AGAP1: variants seen among roughly 807,000 people sequenced by gnomAD.
AGAP1 encodes the protein arf-GAP with GTPase, ANK repeat and PH domain-containing protein 1.
In AGAP1, 29 loss-of-function variants were observed where a neutral mutation model predicts 105.3. The ratio of observed to expected loss-of-function variants is 0.28; its 90% CI spans 0.21 to 0.38. The LOEUF (loss-of-function observed/expected upper bound fraction) is 0.38. AGAP1 is among the 10% of genes least tolerant of loss of function. AGAP1 has a pLI of 1.00. For missense variants in AGAP1, 998 were observed against 1,165.1 expected (o/e 0.86, Z 2.09); for synonymous variants, 509 against 485.9 (o/e 1.05, Z -0.63).
intron 12 of AGAP1, among the ~76,000 whole-genome samples, chr2:235,932,357 G>C (rs1460338756): frequency 6.6e-6 from 1 of 152,246 alleles, no homozygotes; most frequent in Non-Finnish European, 1.5e-5. Flanking sequence ...GGCTCTTCGT[G>C]ACTGAAGAAC....
intron 8 of AGAP1, among the ~76,000 whole-genome samples, chr2:235,802,780 G>A (rs1559505466): frequency 1.4e-5 from 2 of 144,686 alleles, no homozygotes; most frequent in Non-Finnish European, 3.0e-5. Flanking sequence ...TGATGGTTGT[G>A]GTTGTGATGG....
chr2:235,834,339 G>A (rs1959854223), intron 9 of AGAP1, among the ~76,000 whole-genome samples: 1 of 152,102 alleles, frequency 6.6e-6, no homozygotes, highest in Non-Finnish European at 1.5e-5. Flanking sequence ...CAGAACATGG[G>A]GACAAGATCA....
intron 6 of AGAP1, among the ~76,000 whole-genome samples, chr2:235,768,034 G>C (rs747896700): frequency 1.3e-5 from 2 of 151,958 alleles, no homozygotes; most frequent in Non-Finnish European, 2.9e-5. Context: ...CATTCCACTC[G>C]CCTCTGCCTC....
At chr2:235,572,226 G>C (rs551650555) in intron 1 of AGAP1, among the ~76,000 whole-genome samples, 1 of 151,892 alleles carries the variant, frequency 6.6e-6, no homozygotes, top group South Asian at 2.1e-4. Flanking sequence ...GCCGTGCCCT[G>C]TGTGTGTGTC....
Position 235,693,203 on chromosome 2 carries a change from A to AG in AGAP1, c.164-15974dup, listed in dbSNP as rs553258013. Among the ~76,000 whole-genome samples, 407 of 152,204 alleles carry AG rather than the reference A, an allele frequency of 2.7e-3. 1 individual carries two copies. The highest frequency in any genetic ancestry group is 6.8e-3 in the Middle Eastern group (2 of 292). On this transcript the variant is annotated intron_variant, in intron 1 of 17. Transcript: ENST00000304032. ...GGGTTTGCTCAGCCGGCAGGCCTAG[A>AG]GGAGGGGGCTTTGGGGCTGCAGTGC...
In AGAP1 at chr2:236,040,045, A is replaced by C. The variant is rs1408420505; in HGVS notation, c.1801-706A>C. On this transcript the variant is annotated intron_variant, in intron 14 of 17. Transcript: ENST00000304032. The surrounding 1 kb of genome is among the most constrained non-coding windows in gnomAD (Gnocchi z 5.6). ...AGGATCACTTGAGCCCACGAGTTCA[A>C]GGCTGCAGTGAGCTATGATCACACC... Among the ~76,000 whole-genome samples, 2 of 152,164 alleles carry C rather than the reference A, an allele frequency of 1.3e-5. No homozygotes were observed. Among genetic ancestry groups the C allele is most frequent in the African/African-American group, 4.8e-5 (2 of 41,436 alleles).
intron 10 of AGAP1, among the ~76,000 whole-genome samples, chr2:235,886,136 C>T (rs1402170526): frequency 6.6e-6 from 1 of 152,218 alleles, no homozygotes. Context: ...CAAAGTTGCT[C>T]CATCAGCAGT....
rs2051278530 is a variant in AGAP1, at chr2:235,905,826, A to G, written c.1156-2912A>G. ...ATGTGCTTTTCATTTGTCACCCTCA[A>G]CACAGCGCAGTCCTGAGAATTCCTG... On this transcript the variant is annotated intron_variant, in intron 10 of 17. Transcript: ENST00000304032. This position sits in a 1 kb window ranked among gnomAD's most constrained non-coding sequence, Gnocchi z 4.2. Among the ~76,000 whole-genome samples the G allele has an allele frequency of 6.6e-6, 1 of 152,170 alleles. No individual in the cohort carries two copies. The highest frequency in any genetic ancestry group is 2.4e-5 in the African/African-American group (1 of 41,462).
chr2:235,497,885 C>T (rs141029959), intron 1 of AGAP1, among the ~76,000 whole-genome samples: 231 of 152,168 alleles, frequency 1.5e-3, no homozygotes, highest in Middle Eastern at 0.01. Context: ...TGTGAGCCAC[C>T]GTGCCCGGCC....
At chr2:235,812,223 A>G (rs1240326174) in intron 9 of AGAP1, among the ~76,000 whole-genome samples, 1 of 152,048 alleles carries the variant, frequency 6.6e-6, no homozygotes, top group Non-Finnish European at 1.5e-5. Flanking sequence ...GGCCACCTCC[A>G]GGGAGTCAGC....
At position 235,690,265 on chromosome 2, in the gene AGAP1, G is replaced by T. The variant is rs1949676054; in HGVS notation, c.164-18914G>T. On this transcript the variant is annotated intron_variant, in intron 1 of 17. Coordinates refer to ENST00000304032, the MANE Select transcript of AGAP1 (RefSeq NM_001037131.3). This position sits in a 1 kb window ranked among gnomAD's most constrained non-coding sequence, Gnocchi z 4.1. ...AACCCTGGAATGTTGAGCTAAAAGG[G>T]ACTCTGACCCTCCCTCCGCACCCCA... Among the ~76,000 whole-genome samples, 1 of 152,038 alleles carries T rather than the reference G, an allele frequency of 6.6e-6. No homozygotes were observed. Among genetic ancestry groups the T allele is most frequent in the Non-Finnish European group, 1.5e-5 (1 of 68,012 alleles).
intron 9 of AGAP1, among the ~76,000 whole-genome samples, chr2:235,868,511 C>A (rs114715478): frequency 0.013 from 1,997 of 152,238 alleles, 48 homozygotes; most frequent in African/African-American, 0.045. Flanking sequence ...CTCCATCACC[C>A]CGTAGGAGCT....
chr2:235,711,811 G>T (rs979129228), intron 2 of AGAP1, among the ~76,000 whole-genome samples: 1 of 152,132 alleles, frequency 6.6e-6, no homozygotes, highest in Non-Finnish European at 1.5e-5. Flanking sequence ...CCCTCCTAGC[G>T]CAGCCCCCCC....
At chr2:235,771,970 C>G (rs1575411683) in intron 6 of AGAP1, among the ~76,000 whole-genome samples, 1 of 143,116 alleles carries the variant, frequency 7.0e-6, no homozygotes, top group African/African-American at 2.5e-5. Flanking sequence ...TGACATGTTT[C>G]TTGTTTCTTT....
Position 236,131,341 on chromosome 2 carries a change from C to T in AGAP1, c.*7219C>T, listed in dbSNP as rs917172591. On this transcript the variant is annotated 3_prime_UTR_variant, in exon 18 of 18. Coordinates refer to ENST00000304032, the MANE Select transcript of AGAP1 (RefSeq NM_001037131.3). This position sits in a 1 kb window ranked among gnomAD's most constrained non-coding sequence, Gnocchi z 5.9. ...AGGGGTGCGTTTCCTAAAGGGCAGC[C>T]GGAGCAGCTCAAAGGTGACAACTGA... 7.9e-5 allele frequency: 12 copies of T among 152,186 alleles called. No homozygotes were observed. The highest frequency in any genetic ancestry group is 2.1e-4 in the South Asian group (1 of 4,830). 9.4% of individuals were successfully genotyped at this position (152,186 alleles called of 1,614,324 possible).
chr2:235,591,222 G>C (rs1945328698), intron 1 of AGAP1, among the ~76,000 whole-genome samples: 1 of 152,094 alleles, frequency 6.6e-6, no homozygotes, highest in Admixed American at 6.5e-5. Context: ...TGCCATGTTG[G>C]CCAGGCTGGT....
At chr2:235,730,311 C>G (rs1217990281) in intron 3 of AGAP1, among the ~76,000 whole-genome samples, 2 of 152,062 alleles carry the variant, frequency 1.3e-5, no homozygotes, top group Non-Finnish European at 2.9e-5. Context: ...GCTTGGCACT[C>G]TGCTGTCCCA....
chr2:235,538,148 A>G (rs777382603), intron 1 of AGAP1, among the ~76,000 whole-genome samples: 5 of 152,222 alleles, frequency 3.3e-5, no homozygotes, highest in African/African-American at 7.2e-5. Flanking sequence ...GTTGCTGAAA[A>G]GAAAATAGGG....
intron 1 of AGAP1, among the ~76,000 whole-genome samples, chr2:235,617,221 T>A (rs1946336283): frequency 6.6e-6 from 1 of 152,202 alleles, no homozygotes; most frequent in Admixed American, 6.5e-5. Context: ...AATAATAACT[T>A]TCAAAAACTA....
Sources: allele counts gnomAD v4.1 joint callset (sites outside exome capture counted in the v4.1 genomes callset), GRCh38; gene constraint gnomAD v4.1.1; non-coding constraint Gnocchi (gnomAD v3.1); transcripts MANE v1.5; gene names NCBI Gene and HGNC (gene_info 2026-07-23, HGNC 2026-07-21).